ARHGEF9: variants seen among roughly 807,000 people sequenced by gnomAD.
ARHGEF9 encodes Cdc42 guanine nucleotide exchange factor 9.
A neutral mutation model predicts 41.3 loss-of-function variants in ARHGEF9; 2 were observed. That is an observed-to-expected ratio of 0.05 (90% CI 0.02 to 0.15). ARHGEF9 has a LOEUF of 0.15. Ranked by LOEUF, ARHGEF9 falls within the 10% of genes least tolerant of loss-of-function variation. The pLI is 1.00. For synonymous variants in ARHGEF9, 160 were observed against 154.4 expected (o/e 1.04, Z -0.27); for missense variants, 225 against 424.7 (o/e 0.53, Z 4.13).
chrX:63,745,680 G>C (rs1475326865), intron 1 of ARHGEF9, among the ~76,000 whole-genome samples: 1 of 111,549 alleles, frequency 9.0e-6, no homozygotes, highest in Non-Finnish European at 1.9e-5. Context: ...TGGGGGCAGT[G>C]TGTTGTACTA....
At chrX:63,718,738 C>A (rs1329115528) in intron 2 of ARHGEF9, among the ~76,000 whole-genome samples, 1 of 112,177 alleles carries the variant, frequency 8.9e-6, no homozygotes, top group South Asian at 3.7e-4. Context: ...GGGCTAGTAG[C>A]TGGAAATAAC....
At chrX:63,722,674 T>G (rs1335923333) in intron 2 of ARHGEF9, 1 of 111,841 alleles carries the variant, frequency 8.9e-6, no homozygotes, top group Admixed American at 9.5e-5. Context: ...TCCTTGAAAA[T>G]GAAATGCATT....
chrX:63,709,743 G>A (rs2052788306), intron 2 of ARHGEF9, among the ~76,000 whole-genome samples: 1 of 111,137 alleles, frequency 9.0e-6, no homozygotes, highest in Admixed American at 9.5e-5. Flanking sequence ...AGGAATATTG[G>A]GTTCCTCCCA....
At chrX:63,666,254 G>A (rs1457829289) in intron 6 of ARHGEF9, among the ~76,000 whole-genome samples, 1 of 107,039 alleles carries the variant, frequency 9.3e-6, no homozygotes, top group Non-Finnish European at 1.9e-5. Flanking sequence ...ACCCGGGACT[G>A]CTACAGCTTT....
intron 1 of ARHGEF9, chrX:63,754,239 A>C: frequency 8.9e-7 from 1 of 1,128,984 alleles, no homozygotes; most frequent in Non-Finnish European, 1.2e-6. Context: ...AGCAATAGGC[A>C]ACTATACGCG....
intron 4 of ARHGEF9, among the ~76,000 whole-genome samples, chrX:63,693,871 G>A (rs782185971): frequency 1.7e-4 from 18 of 108,686 alleles, no homozygotes; most frequent in South Asian, 4.0e-4. Flanking sequence ...TTAGAATGGC[G>A]AAAATTAAAA....
chrX:63,714,315 C>A (rs1224528854), intron 2 of ARHGEF9, among the ~76,000 whole-genome samples: 1 of 112,423 alleles, frequency 8.9e-6, no homozygotes, highest in African/African-American at 3.2e-5. Context: ...CTCTGAAAAC[C>A]TAGTTCAAGA....
chrX:63,755,281 G>C (rs1214057652), intron 1 of ARHGEF9: 5 of 904,480 alleles, frequency 5.5e-6, no homozygotes, highest in African/African-American at 2.1e-5. Flanking sequence ...CGTGCTAGCC[G>C]CGACCGCCAA....
chrX:63,643,833 G>T, intron 9 of ARHGEF9, 147 bp downstream of exon 9: 1 of 509,812 alleles, frequency 2.0e-6, no homozygotes. Context: ...AAAACCATTT[G>T]CTACCTGTCA....
Position 63,655,743 on chromosome X carries a change from T to C in ARHGEF9, c.1078-6A>G. On this transcript the variant is annotated splice_region_variant and splice_polypyrimidine_tract_variant and intron_variant, in intron 7 of 9. Coordinates refer to ENST00000671741, the MANE Select transcript of ARHGEF9 (RefSeq NM_001353921.2). ...ATGTCTCTCCGGATTAGGTCCTAGA[T>C]GGGAAGGAAGAGGTTTCTTGAAGGT... 1 of 1,206,598 alleles carries C rather than the reference T, an allele frequency of 8.3e-7. No individual in the cohort carries two copies. The highest frequency in any genetic ancestry group is 1.1e-6 in the Non-Finnish European group (1 of 894,862).
intron 1 of ARHGEF9, chrX:63,754,238 C>A (rs1235818928): frequency 4.5e-6 from 5 of 1,119,202 alleles, no homozygotes; most frequent in Non-Finnish European, 6.1e-6. Flanking sequence ...AAGCAATAGG[C>A]AACTATACGC....
chrX:63,727,646 A>C (rs1219889169), intron 1 of ARHGEF9: 1 of 112,006 alleles, frequency 8.9e-6, no homozygotes, highest in Non-Finnish European at 1.9e-5. Flanking sequence ...CAGGTAGAAA[A>C]AATAATCTGA....
intron 1 of ARHGEF9, chrX:63,754,253 G>C (rs782137443): frequency 8.6e-7 from 1 of 1,160,558 alleles, no homozygotes; most frequent in South Asian, 1.8e-5. Context: ...ATACGCGCAG[G>C]CATTCTTAAA....
At position 63,724,679 on chromosome X, in the gene ARHGEF9, C is replaced by T; in HGVS notation, c.63G>A (p.Glu21=). Residue 21 remains glutamate, a synonymous_variant, in exon 2 of 10, where the codon GAG becomes GAA. Transcript: ENST00000671741. ...CCATGGTGACGTGATCCCATACTGC[C>T]TCAGCACTAACGATGGAATCTCCAG... is the stretch of plus-strand genomic sequence containing the variant. ...LITGDSIVSA[E]AVWDHVTMAN... 1 of 1,211,681 alleles carries T rather than the reference C, an allele frequency of 8.3e-7. No homozygotes were observed. The highest frequency in any genetic ancestry group is 1.1e-6 in the Non-Finnish European group (1 of 895,490).
chrX:63,678,597 G>A (rs782728492), intron 4 of ARHGEF9, 25 bp from the exon 5 acceptor site: 5 of 1,110,920 alleles, frequency 4.5e-6, no homozygotes, highest in Non-Finnish European at 6.1e-6. Context: ...AAAAAGGAAA[G>A]GAAAAGTCTA....
At chrX:63,646,248 T>A (rs782411042) in intron 8 of ARHGEF9, among the ~76,000 whole-genome samples, 2 of 112,165 alleles carry the variant, frequency 1.8e-5, no homozygotes, top group African/African-American at 6.5e-5. Context: ...ATCTCATTTG[T>A]CAATTTTGGC....
Position 63,785,161 on chromosome X carries a change from C to G in ARHGEF9, c.-16G>C. ...TCCACTGCATGGTGCTTGCGAAGTC[C>G]GGCTTCTCTGAGGCCCCGTAGCTGG... On this transcript the variant is annotated 5_prime_UTR_variant, in exon 1 of 10. Transcript: ENST00000671741. The G allele has an allele frequency of 8.6e-7, 1 of 1,163,619 alleles. No homozygotes were observed. The highest frequency in any genetic ancestry group is 3.3e-5 in the East Asian group (1 of 30,606).
At chrX:63,721,556 G>GA (rs1321029438) in intron 2 of ARHGEF9, among the ~76,000 whole-genome samples, 64 of 109,070 alleles carry the variant, frequency 5.9e-4, no homozygotes, top group South Asian at 2.4e-3. Flanking sequence ...CCCAAAGTCA[G>GA]AAAAAAAAGG....
rs2053876846 is a variant in ARHGEF9, at chrX:63,725,117, C to T, written c.31-406G>A. On this transcript the variant is annotated intron_variant, in intron 1 of 9. Coordinates refer to ENST00000671741, the MANE Select transcript of ARHGEF9 (RefSeq NM_001353921.2). ...TTATTTGCTTTCAATTCCCTGTGCT[C>T]CTCCCCCTTTCCTCCTCCTCCTTGG... The T allele has an allele frequency of 7.9e-5, 13 of 164,338 alleles. No homozygotes were observed. The South Asian group carries it at 1.9e-3, about 24-fold the overall frequency. 13.5% of individuals were successfully genotyped at this position (164,338 alleles called of 1,213,427 possible).
Sources: allele counts gnomAD v4.1 joint callset (sites outside exome capture counted in the v4.1 genomes callset), GRCh38; gene constraint gnomAD v4.1.1; transcripts MANE v1.5; gene names NCBI Gene and HGNC (gene_info 2026-07-23, HGNC 2026-07-21).